PCBD2: variants seen among roughly 807,000 people sequenced by gnomAD.
The protein encoded by PCBD2 is pterin-4 alpha-carbinolamine dehydratase 2.
A neutral mutation model predicts 16.4 loss-of-function variants in PCBD2; 12 were observed. The observed-to-expected ratio is 0.73, with a 90% CI of 0.47 to 1.19. The LOEUF (loss-of-function observed/expected upper bound fraction) is 1.19. PCBD2 is among the 50% of genes most tolerant of loss of function. The pLI, the probability that PCBD2 is intolerant of heterozygous loss-of-function variation, is 0.00. For synonymous variants in PCBD2, 58 were observed against 61.8 expected, an observed-to-expected ratio of 0.94 and a Z score of 0.29; for missense variants, 138 against 156.8, an observed-to-expected ratio of 0.88 and a Z score of 0.64.
chr5:134,932,454 G>A (rs957913851), intron 2 of PCBD2, among the ~76,000 whole-genome samples: 19 of 151,974 alleles, frequency 1.3e-4, no homozygotes, highest in South Asian at 2.1e-4. Flanking sequence ...CAATTCTCCT[G>A]CTTCAGCCTC....
intron 2 of PCBD2, among the ~76,000 whole-genome samples, chr5:134,915,028 A>G (rs745392997): frequency 3.8e-4 from 58 of 152,242 alleles, no homozygotes; most frequent in South Asian, 4.2e-4. Context: ...TAAAACTCAC[A>G]TACCAGAGCC....
intron 2 of PCBD2, chr5:134,925,845 A>C (rs77295401): frequency 1.3e-5 from 5 of 394,210 alleles, no homozygotes; most frequent in Non-Finnish European, 2.2e-5. Context: ...TTGGATTAGC[A>C]CTTAGGAGGG....
chr5:134,922,084 T>C (rs1262120254), intron 2 of PCBD2, among the ~76,000 whole-genome samples: 1 of 152,202 alleles, frequency 6.6e-6, no homozygotes, highest in Non-Finnish European at 1.5e-5. Flanking sequence ...TCCCTTTCAC[T>C]GAAGAAGTGG....
chr5:134,924,245 T>G (rs1017245917), intron 2 of PCBD2: 6 of 395,400 alleles, frequency 1.5e-5, no homozygotes, highest in African/African-American at 6.2e-5. Context: ...TTGGGTGTGT[T>G]ATTATTCTGA....
intron 2 of PCBD2, among the ~76,000 whole-genome samples, chr5:134,951,889 GTTTATCTT>G (rs1351063729): frequency 2.0e-5 from 3 of 151,924 alleles, no homozygotes; most frequent in African/African-American, 7.2e-5. Flanking sequence ...ATAATTTGTT[GTTTATCTT>G]TTGCTTTTGT....
intron 2 of PCBD2, chr5:134,925,028 G>T (rs370830164): frequency 2.6e-4 from 103 of 394,972 alleles, no homozygotes; most frequent in Middle Eastern, 1.3e-3. Flanking sequence ...GTCATTTGGG[G>T]GGTGGATGTG....
At chr5:134,929,070 G>A (rs1369873555) in intron 2 of PCBD2, among the ~76,000 whole-genome samples, 2 of 152,170 alleles carry the variant, frequency 1.3e-5, no homozygotes, top group Non-Finnish European at 2.9e-5. Context: ...AAAAAGCCAA[G>A]GTAATAGATG....
At chr5:134,957,896 C>T (rs1167847813) in intron 2 of PCBD2, among the ~76,000 whole-genome samples, 1 of 152,056 alleles carries the variant, frequency 6.6e-6, no homozygotes, top group African/African-American at 2.4e-5. Context: ...ACTTTTATCC[C>T]AAATAAAATT....
chr5:134,946,532 A>C, intron 2 of PCBD2, among the ~76,000 whole-genome samples: 1 of 152,220 alleles, frequency 6.6e-6, no homozygotes, highest in Admixed American at 6.5e-5. Flanking sequence ...CTGTGCTTTA[A>C]AAACTTTTAA....
intron 2 of PCBD2, chr5:134,928,209 G>A (rs539193881): frequency 1.0e-5 from 4 of 389,622 alleles, no homozygotes; most frequent in East Asian, 7.2e-5. Flanking sequence ...ATAATGAATA[G>A]TGATAGTATT....
At position 134,954,888 on chromosome 5, in the gene PCBD2, C is replaced by T. The variant is rs191869966; in HGVS notation, c.217-4152C>T. On this transcript the variant is annotated intron_variant, in intron 2 of 3. Transcript: ENST00000254908. ...TCCTGAGTAGCTGGGAGTACAGGTG[C>T]GCACTGCCACATCCAGCTAATTTTT... Among the ~76,000 whole-genome samples, 889 of 151,906 alleles carry T rather than the reference C, an allele frequency of 5.9e-3. 7 individuals are homozygous for T. Among genetic ancestry groups the T allele is most frequent in the African/African-American group, 0.02 (845 of 41,432 alleles).
intron 2 of PCBD2, among the ~76,000 whole-genome samples, chr5:134,922,387 TC>T (rs1245836351): frequency 1.3e-5 from 2 of 152,006 alleles, no homozygotes; most frequent in African/African-American, 4.8e-5. Flanking sequence ...ACTGTTCTTC[TC>T]CTTTCCATGC....
chr5:134,925,711 C>G (rs368083360), intron 2 of PCBD2: 1 of 396,642 alleles, frequency 2.5e-6, no homozygotes, highest in South Asian at 1.3e-4. Context: ...AACTATAGTG[C>G]TTGAGTGGAG....
At chr5:134,926,430 T>C in intron 2 of PCBD2, 1 of 391,920 alleles carries the variant, frequency 2.6e-6, no homozygotes, top group Non-Finnish European at 4.5e-6. Context: ...AAGTTAGGGC[T>C]AGGGTGGGTA....
At chr5:134,951,164 C>G (rs764495028) in intron 2 of PCBD2, among the ~76,000 whole-genome samples, 4 of 152,156 alleles carry the variant, frequency 2.6e-5, no homozygotes, top group Non-Finnish European at 5.9e-5. Context: ...TCCCACTCTC[C>G]ACTCTCCTCA....
chr5:134,915,436 ATTTTTTTTTTTT>A (rs760173801), intron 2 of PCBD2, among the ~76,000 whole-genome samples: 10 of 114,206 alleles, frequency 8.8e-5, no homozygotes, highest in East Asian at 5.0e-4. Context: ...TGGGCCTCTA[ATTTTTTTTTTTT>A]TTTTTTTTTT....
At chr5:134,908,231 G>GTTT (rs80277203) in intron 1 of PCBD2, among the ~76,000 whole-genome samples, 8 of 115,356 alleles carry the variant, frequency 6.9e-5, no homozygotes, top group Admixed American at 9.0e-5. Context: ...CCTAGTAAAT[G>GTTT]TTTTTTTTTT....
At chr5:134,958,814 G>T (rs780617694) in intron 2 of PCBD2, among the ~76,000 whole-genome samples, 4 of 152,156 alleles carry the variant, frequency 2.6e-5, no homozygotes, top group Non-Finnish European at 4.4e-5. Context: ...CAATTTCCTG[G>T]TTTGTTTACT....
Position 134,960,680 on chromosome 5 carries a change from G to GGAA in PCBD2, c.392_393insGAA (p.Ter131delinsTrpLys). On this transcript the variant is annotated stop_lost, in exon 4 of 4. Transcript: ENST00000254908. ...ATTGAAAAAGCAGCTGCTTCTGTGT[G>GGAA]ATTTCTTCCAAAATACATGTAAAAT... 6.2e-7 allele frequency: 1 copy of GGAA among 1,603,848 alleles called. No homozygotes were observed. Among genetic ancestry groups the GGAA allele is most frequent in the Non-Finnish European group, 8.5e-7 (1 of 1,171,500 alleles).
Sources: allele counts gnomAD v4.1 joint callset (sites outside exome capture counted in the v4.1 genomes callset), GRCh38; gene constraint gnomAD v4.1.1; transcripts MANE v1.5; gene names NCBI Gene and HGNC (gene_info 2026-07-23, HGNC 2026-07-21).